Variants in DLG2 observed in about 807,000 individuals in gnomAD.
DLG2 encodes disks large homolog 2.
Under a neutral mutation model 132.5 loss-of-function variants are expected in DLG2, and 45 were observed. That is an observed-to-expected ratio of 0.34 (90% CI 0.27 to 0.44). The LOEUF (loss-of-function observed/expected upper bound fraction) is 0.44. Ranked by LOEUF, DLG2 falls within the 20% of genes least tolerant of loss-of-function variation. The pLI, the probability that DLG2 is intolerant of heterozygous loss-of-function variation, is 1.00. For missense variants in DLG2, 1,045 were observed against 1,196.9 expected (o/e 0.87, Z 1.87); for synonymous variants, 424 against 419.6 (o/e 1.01, Z -0.13).
chr11:84,131,577 A>T (rs1215551668), intron 9 of DLG2, among the ~76,000 whole-genome samples: 6 of 151,964 alleles, frequency 3.9e-5, no homozygotes, highest in Admixed American at 3.9e-4. Context: ...CACTAGGATC[A>T]TAATGATGAA....
chr11:83,974,277 T>C (rs2091867905), intron 12 of DLG2, among the ~76,000 whole-genome samples: 1 of 152,076 alleles, frequency 6.6e-6, no homozygotes, highest in African/African-American at 2.4e-5. Context: ...TTTTGTAGAT[T>C]TACCAAAAAT....
chr11:84,119,889 A>G (rs1174203946), intron 9 of DLG2, among the ~76,000 whole-genome samples: 1 of 152,184 alleles, frequency 6.6e-6, no homozygotes. Context: ...ATGAAAGAAA[A>G]ATTCCTCTGA....
chr11:84,688,852 G>A (rs1381219750), intron 6 of DLG2, among the ~76,000 whole-genome samples: 1 of 152,058 alleles, frequency 6.6e-6, no homozygotes, highest in Non-Finnish European at 1.5e-5. Context: ...CCCTGTTCCT[G>A]GTGGAGGACT....
At chr11:85,155,352 G>A (rs1261770827) in intron 4 of DLG2, among the ~76,000 whole-genome samples, 2 of 152,154 alleles carry the variant, frequency 1.3e-5, no homozygotes, top group Admixed American at 6.5e-5. Context: ...TGGCAGCATC[G>A]ATGAAATTGT....
chr11:84,283,795 C>T (rs2097879142), intron 7 of DLG2, among the ~76,000 whole-genome samples: 1 of 152,118 alleles, frequency 6.6e-6, no homozygotes, highest in Middle Eastern at 3.2e-3. Context: ...ATATAAGACT[C>T]TTTAAAGGTT....
chr11:83,897,565 G>C (rs1231311587), intron 15 of DLG2, among the ~76,000 whole-genome samples: 1 of 152,036 alleles, frequency 6.6e-6, no homozygotes, highest in Non-Finnish European at 1.5e-5. Flanking sequence ...AAATTTACTT[G>C]AATACTAAAA....
At chr11:83,776,309 C>A (rs1225254083) in intron 18 of DLG2, among the ~76,000 whole-genome samples, 1 of 152,016 alleles carries the variant, frequency 6.6e-6, no homozygotes, top group Non-Finnish European at 1.5e-5. Flanking sequence ...ATTCTGCCAC[C>A]CCTCTTTATT....
intron 6 of DLG2, among the ~76,000 whole-genome samples, chr11:84,959,447 T>A (rs936814489): frequency 6.6e-6 from 1 of 152,306 alleles, no homozygotes. Flanking sequence ...TCTACAGTAC[T>A]TGGCAAACAC....
chr11:85,301,511 A>G (rs1462822506), intron 3 of DLG2, among the ~76,000 whole-genome samples: 1 of 152,178 alleles, frequency 6.6e-6, no homozygotes. Flanking sequence ...ACCAATGTAA[A>G]AAAGAAAAGG....
intron 3 of DLG2, among the ~76,000 whole-genome samples, chr11:85,382,730 A>T (rs1433142757): frequency 6.6e-6 from 1 of 152,204 alleles, no homozygotes; most frequent in East Asian, 1.9e-4. Context: ...CAATAAGCAC[A>T]TGAAAAGATG....
At chr11:84,234,323 C>T (rs1337353800) in intron 8 of DLG2, among the ~76,000 whole-genome samples, 1 of 152,190 alleles carries the variant, frequency 6.6e-6, no homozygotes, top group Non-Finnish European at 1.5e-5. Context: ...TTCACTCCTG[C>T]TGTAAAACTT....
At chr11:84,508,338 A>G (rs1168100109) in intron 7 of DLG2, among the ~76,000 whole-genome samples, 2 of 150,600 alleles carry the variant, frequency 1.3e-5, no homozygotes, top group East Asian at 3.9e-4. Context: ...TCTCTCCAAT[A>G]TATTGTGCAT....
At chr11:84,400,080 G>A (rs190673602) in intron 7 of DLG2, among the ~76,000 whole-genome samples, 15 of 152,226 alleles carry the variant, frequency 9.9e-5, no homozygotes, top group Admixed American at 5.2e-4. Flanking sequence ...AAACAAATAC[G>A]GCATCTTTCC....
At chr11:84,024,671 A>G (rs1161548790) in intron 11 of DLG2, among the ~76,000 whole-genome samples, 1 of 152,190 alleles carries the variant, frequency 6.6e-6, no homozygotes, top group Middle Eastern at 3.2e-3. Flanking sequence ...AACACTCTAT[A>G]TTCTCATTTA....
chr11:85,041,092 A>T (rs983100092), intron 6 of DLG2, among the ~76,000 whole-genome samples: 16 of 151,860 alleles, frequency 1.1e-4, no homozygotes, highest in African/African-American at 3.9e-4. Context: ...TGGATCCCTA[A>T]TTTCATTTTT....
chr11:85,402,190 C>A (rs2088205611), intron 3 of DLG2, among the ~76,000 whole-genome samples: 1 of 152,096 alleles, frequency 6.6e-6, no homozygotes, highest in Non-Finnish European at 1.5e-5. Flanking sequence ...TAACACCACA[C>A]ATCTACATCC....
intron 6 of DLG2, among the ~76,000 whole-genome samples, chr11:84,878,098 T>C (rs1433509308): frequency 6.6e-6 from 1 of 152,152 alleles, no homozygotes; most frequent in Admixed American, 6.5e-5. Context: ...ATAGGAATGT[T>C]TTTACACTGT....
intron 11 of DLG2, among the ~76,000 whole-genome samples, chr11:84,003,300 CTT>C (rs1166170979): frequency 6.6e-6 from 1 of 152,182 alleles, no homozygotes; most frequent in East Asian, 1.9e-4. Context: ...GCCCTCAAAA[CTT>C]TTCCAACCTC....
intron 6 of DLG2, among the ~76,000 whole-genome samples, chr11:84,658,299 G>C (rs1248966911): frequency 6.6e-6 from 1 of 152,048 alleles, no homozygotes; most frequent in East Asian, 1.9e-4. Context: ...TTCTTTCTAG[G>C]TTCATTTAAG....
Sources: allele counts gnomAD v4.1 joint callset (sites outside exome capture counted in the v4.1 genomes callset), GRCh38; gene constraint gnomAD v4.1.1; transcripts MANE v1.5; gene names NCBI Gene and HGNC (gene_info 2026-07-23, HGNC 2026-07-21).